Variants in KCNH5 observed in about 807,000 individuals in gnomAD.
The protein encoded by KCNH5 is potassium voltage-gated channel subfamily H member 5, also known as voltage-gated delayed rectifier potassium channel KCNH5.
Under a neutral mutation model 96.1 loss-of-function variants are expected in KCNH5, and 46 were observed. That is an observed-to-expected ratio of 0.48 (90% CI 0.38 to 0.61). KCNH5 has a LOEUF of 0.61. KCNH5 is among the 20% of genes least tolerant of loss of function. The pLI is 0.00. For synonymous variants in KCNH5, 439 were observed against 449.8 expected, an observed-to-expected ratio of 0.98 and a Z score of 0.30; for missense variants, 907 against 1,225.8, an observed-to-expected ratio of 0.74 and a Z score of 3.88.
intron 9 of KCNH5, among the ~76,000 whole-genome samples, chr14:62,791,773 A>G (rs1886440457): frequency 6.6e-6 from 1 of 151,764 alleles, no homozygotes; most frequent in Non-Finnish European, 1.5e-5. Context: ...AAATATATAA[A>G]GCAAGTGTTA....
chr14:62,780,853 GAA>G (rs2139976663), intron 9 of KCNH5, among the ~76,000 whole-genome samples: 1 of 152,238 alleles, frequency 6.6e-6, no homozygotes, highest in African/African-American at 2.4e-5. Flanking sequence ...CACGTGAAAG[GAA>G]AAGTTTTAAA....
chr14:62,895,596 G>A (rs1403691921), intron 7 of KCNH5, among the ~76,000 whole-genome samples: 1 of 152,066 alleles, frequency 6.6e-6, no homozygotes, highest in Non-Finnish European at 1.5e-5. Flanking sequence ...GCTTCCCAAT[G>A]TCAGCATCAT....
intron 7 of KCNH5, among the ~76,000 whole-genome samples, chr14:62,876,781 G>A (rs545321555): frequency 1.3e-5 from 2 of 152,166 alleles, no homozygotes; most frequent in Admixed American, 6.6e-5. Flanking sequence ...ACACCTGTTT[G>A]GTCAATTGAT....
At chr14:62,728,644 T>C (rs1884986498) in intron 10 of KCNH5, among the ~76,000 whole-genome samples, 2 of 152,336 alleles carry the variant, frequency 1.3e-5, no homozygotes, top group South Asian at 4.1e-4. Context: ...CAAATCGTCA[T>C]TCATATATTC....
intron 7 of KCNH5, among the ~76,000 whole-genome samples, chr14:62,923,297 A>C (rs2140110020): frequency 6.6e-6 from 1 of 152,034 alleles, no homozygotes; most frequent in South Asian, 2.1e-4. Flanking sequence ...GTAAACTATA[A>C]AACAGTGGTG....
Position 62,864,188 on chromosome 14 carries a change from A to G in KCNH5, c.1370-14336T>C, listed in dbSNP as rs375398696. ...TGCTTTAAAGAAGCAAATTTTTTAA[A>G]AAGTGTATAAAGACTTTTCTGTATT... is the stretch of plus-strand genomic sequence containing the variant. On this transcript the variant is annotated intron_variant, in intron 7 of 10. Transcript: ENST00000322893. Among the ~76,000 whole-genome samples the G allele has an allele frequency of 4.4e-4, 67 of 152,326 alleles. 3 individuals carry two copies. In the South Asian group the frequency reaches 8.5e-3, roughly 19 times the overall value.
chr14:62,787,361 G>C (rs567243832), intron 9 of KCNH5, among the ~76,000 whole-genome samples: 1 of 152,306 alleles, frequency 6.6e-6, no homozygotes, highest in Admixed American at 6.5e-5. Context: ...GGCTAAGAGA[G>C]GGGAGGAAGC....
intron 10 of KCNH5, among the ~76,000 whole-genome samples, chr14:62,724,984 T>C (rs1046008059): frequency 2.0e-5 from 3 of 152,238 alleles, no homozygotes; most frequent in East Asian, 1.9e-4. Flanking sequence ...GCTGTCATCA[T>C]TGGAAAGTCT....
chr14:62,924,013 A>G (rs1277173372), intron 7 of KCNH5, among the ~76,000 whole-genome samples: 3 of 152,030 alleles, frequency 2.0e-5, no homozygotes, highest in Non-Finnish European at 2.9e-5. Context: ...AAAAGAAACA[A>G]TTATCAAAAT....
At chr14:62,988,512 C>T (rs568402063) in intron 4 of KCNH5, among the ~76,000 whole-genome samples, 2 of 152,082 alleles carry the variant, frequency 1.3e-5, no homozygotes, top group African/African-American at 4.8e-5. Flanking sequence ...TTGTATTGCC[C>T]CACCAATTCA....
chr14:62,739,659 C>T (rs1885229916), intron 10 of KCNH5, among the ~76,000 whole-genome samples: 1 of 152,102 alleles, frequency 6.6e-6, no homozygotes. Flanking sequence ...GGCCTCCCAG[C>T]TTCAATCATG....
chr14:63,007,004 A>G (rs943162307), intron 2 of KCNH5, among the ~76,000 whole-genome samples: 1 of 152,216 alleles, frequency 6.6e-6, no homozygotes, highest in Non-Finnish European at 1.5e-5. Flanking sequence ...ACTAAAGTCC[A>G]CCAAAGAAAT....
intron 7 of KCNH5, among the ~76,000 whole-genome samples, chr14:62,898,249 G>A (rs1054183994): frequency 6.6e-6 from 1 of 152,058 alleles, no homozygotes; most frequent in Non-Finnish European, 1.5e-5. Context: ...AAATAGAAAG[G>A]GCTAAAAGAA....
intron 7 of KCNH5, among the ~76,000 whole-genome samples, chr14:62,926,999 G>A (rs1012157887): frequency 6.6e-6 from 1 of 151,980 alleles, no homozygotes; most frequent in Non-Finnish European, 1.5e-5. Context: ...GCTGAGAGAT[G>A]ATATAAACCC....
intron 4 of KCNH5, among the ~76,000 whole-genome samples, chr14:62,988,106 T>A (rs945462980): frequency 2.6e-5 from 4 of 152,086 alleles, no homozygotes; most frequent in African/African-American, 9.7e-5. Flanking sequence ...TTCTGGGGCC[T>A]CAAATTGCCA....
intron 10 of KCNH5, among the ~76,000 whole-genome samples, chr14:62,733,844 C>G (rs1885101231): frequency 6.6e-6 from 1 of 152,240 alleles, no homozygotes; most frequent in East Asian, 1.9e-4. Context: ...TCCCTTCAAA[C>G]ACTGGTGCTC....
chr14:62,798,871 T>C (rs144644039), intron 9 of KCNH5, among the ~76,000 whole-genome samples: 402 of 152,232 alleles, frequency 2.6e-3, no homozygotes, highest in Non-Finnish European at 4.2e-3. Context: ...GATTCAGAGA[T>C]TCTAATTAAT....
At chr14:62,896,248 A>G (rs181323584) in intron 7 of KCNH5, among the ~76,000 whole-genome samples, 2 of 152,224 alleles carry the variant, frequency 1.3e-5, no homozygotes, top group African/African-American at 4.8e-5. Context: ...AGCTAAGCCT[A>G]TGAATCAACC....
At chr14:62,947,041 T>C (rs1482299491) in intron 7 of KCNH5, among the ~76,000 whole-genome samples, 1 of 152,120 alleles carries the variant, frequency 6.6e-6, no homozygotes, top group African/African-American at 2.4e-5. Context: ...TACAGAGCTA[T>C]ACACACACAT....
Sources: allele counts gnomAD v4.1 joint callset (sites outside exome capture counted in the v4.1 genomes callset), GRCh38; gene constraint gnomAD v4.1.1; transcripts MANE v1.5; gene names NCBI Gene and HGNC (gene_info 2026-07-23, HGNC 2026-07-21).